NPAS3: variants seen among roughly 807,000 people sequenced by gnomAD.
NPAS3 encodes the protein neuronal PAS domain protein 3.
In NPAS3, 14 loss-of-function variants were observed where a neutral mutation model predicts 73.1. The ratio of observed to expected loss-of-function variants is 0.19; its 90% CI spans 0.13 to 0.30. The LOEUF (loss-of-function observed/expected upper bound fraction) is 0.30. Ranked by LOEUF, NPAS3 falls within the 10% of genes least tolerant of loss-of-function variation. The probability of loss-of-function intolerance (pLI) is 1.00; values close to 1 mark genes in which losing one functional copy is unlikely to be tolerated. For missense variants in NPAS3, 1,096 were observed against 1,250.0 expected (o/e 0.88, Z 1.86); for synonymous variants, 620 against 541.5 (o/e 1.14, Z -2.01).
intron 4 of NPAS3, among the ~76,000 whole-genome samples, chr14:33,475,707 G>A (rs1449609135): frequency 6.6e-6 from 1 of 152,144 alleles, no homozygotes; most frequent in East Asian, 1.9e-4. Flanking sequence ...TCTAGTTCTG[G>A]TTTGGAGAGT....
chr14:33,280,357 T>G (rs1173536967), intron 3 of NPAS3, among the ~76,000 whole-genome samples: 1 of 152,188 alleles, frequency 6.6e-6, no homozygotes, highest in African/African-American at 2.4e-5. Context: ...ATTTAAGATT[T>G]AAGCATTAGT....
intron 5 of NPAS3, among the ~76,000 whole-genome samples, chr14:33,565,982 G>A (rs1208149142): frequency 2.0e-5 from 3 of 151,950 alleles, no homozygotes; most frequent in African/African-American, 7.3e-5. Context: ...TTTGTCTCCT[G>A]TACACTAATC....
intron 6 of NPAS3, chr14:33,680,826 G>T: frequency 3.5e-6 from 2 of 571,470 alleles, no homozygotes; most frequent in Non-Finnish European, 6.2e-6. Flanking sequence ...AACTACAGCT[G>T]CATGGCTAAC....
intron 7 of NPAS3, among the ~76,000 whole-genome samples, chr14:33,763,421 G>A (rs1475035290): frequency 2.0e-5 from 3 of 152,194 alleles, no homozygotes; most frequent in Non-Finnish European, 4.4e-5. Context: ...CTAGCAAAGA[G>A]TGTAAACTAA....
intron 3 of NPAS3, among the ~76,000 whole-genome samples, chr14:33,266,624 C>G (rs779204199): frequency 2.0e-5 from 3 of 152,136 alleles, no homozygotes; most frequent in Non-Finnish European, 4.4e-5. Context: ...CCTCATTTTA[C>G]AGATGAGATA....
intron 7 of NPAS3, among the ~76,000 whole-genome samples, chr14:33,751,473 A>T (rs1175460213): frequency 6.6e-6 from 1 of 152,164 alleles, no homozygotes; most frequent in Non-Finnish European, 1.5e-5. Context: ...AAAAACTAAG[A>T]CCTGTATGCA....
chr14:33,417,132 A>G (rs2048179380), intron 4 of NPAS3, among the ~76,000 whole-genome samples: 1 of 152,042 alleles, frequency 6.6e-6, no homozygotes. Context: ...TATGTATTTT[A>G]TTTAAAAAAT....
At chr14:33,600,034 C>A (rs556385313) in intron 5 of NPAS3, among the ~76,000 whole-genome samples, 1 of 152,250 alleles carries the variant, frequency 6.6e-6, no homozygotes, top group African/African-American at 2.4e-5. Context: ...CTGTGACATC[C>A]AGCCCAGGCA....
chr14:33,767,433 A>G lies in NPAS3; in HGVS notation c.853-6904A>G, dbSNP rs1033451117. On this transcript the variant is annotated intron_variant, in intron 7 of 11. Coordinates refer to ENST00000356141, the Ensembl canonical transcript of NPAS3. Reference sequence around the variant, plus strand: ...AATAATTAGCTGACTCTCCCACCTGAGCTAGTGATTTGACGATCTGTATGC... The same window carrying G: ...AATAATTAGCTGACTCTCCCACCTGGGCTAGTGATTTGACGATCTGTATGC... 2.6e-5 allele frequency among the ~76,000 whole-genome samples: 4 copies of G among 152,102 alleles called. No homozygotes were observed. In the East Asian group the frequency reaches 7.7e-4, roughly 29 times the overall value.
chr14:33,162,668 C>G (rs1236763746), intron 2 of NPAS3, among the ~76,000 whole-genome samples: 1 of 149,316 alleles, frequency 6.7e-6, no homozygotes, highest in Non-Finnish European at 1.5e-5. Context: ...TCGTTAAAAA[C>G]AAGCAAAAAA....
intron 1 of NPAS3, among the ~76,000 whole-genome samples, chr14:33,008,683 T>C (rs904024882): frequency 1.3e-5 from 2 of 152,160 alleles, no homozygotes; most frequent in Non-Finnish European, 2.9e-5. Context: ...TTATAGGAAA[T>C]ATAAGAAATG....
chr14:33,628,808 G>A (rs543259523), intron 5 of NPAS3, among the ~76,000 whole-genome samples: 1 of 152,250 alleles, frequency 6.6e-6, no homozygotes, highest in Admixed American at 6.5e-5. Context: ...GTAAGAAAAC[G>A]ATACAATTTT....
chr14:33,431,728 A>C (rs2048792211), intron 4 of NPAS3, among the ~76,000 whole-genome samples: 1 of 152,200 alleles, frequency 6.6e-6, no homozygotes, highest in South Asian at 2.1e-4. Flanking sequence ...GTTGACCTGA[A>C]TGAAGAGTCA....
intron 4 of NPAS3, among the ~76,000 whole-genome samples, chr14:33,448,741 C>T (rs2049640726): frequency 6.6e-6 from 1 of 152,074 alleles, no homozygotes; most frequent in South Asian, 2.1e-4. Context: ...TCAAAGTGCC[C>T]CTGAGACAAG....
intron 1 of NPAS3, among the ~76,000 whole-genome samples, chr14:32,974,690 C>T (rs1318781969): frequency 6.6e-6 from 1 of 152,088 alleles, no homozygotes; most frequent in Non-Finnish European, 1.5e-5. Flanking sequence ...CATGTCTGCT[C>T]TCAAGGCAGG....
At chr14:33,108,548 T>A (rs17100140) in intron 2 of NPAS3, among the ~76,000 whole-genome samples, 1 of 152,128 alleles carries the variant, frequency 6.6e-6, no homozygotes, top group Non-Finnish European at 1.5e-5. Flanking sequence ...ATGAAATAGA[T>A]GCTGTGAGTT....
chr14:33,228,263 T>C (rs756014872), intron 3 of NPAS3, among the ~76,000 whole-genome samples: 6 of 152,196 alleles, frequency 3.9e-5, no homozygotes, highest in Non-Finnish European at 7.3e-5. Flanking sequence ...CTTGTATCAT[T>C]TGATAAAGTG....
intron 4 of NPAS3, among the ~76,000 whole-genome samples, chr14:33,544,212 A>T (rs2139652341): frequency 6.6e-6 from 1 of 152,040 alleles, no homozygotes; most frequent in Admixed American, 6.5e-5. Flanking sequence ...GCACCATCAT[A>T]GCTTGCTGCA....
At chr14:33,760,571 G>A (rs534164553) in intron 7 of NPAS3, among the ~76,000 whole-genome samples, 19 of 152,244 alleles carry the variant, frequency 1.2e-4, no homozygotes, top group Admixed American at 7.2e-4. Flanking sequence ...TCATACATCT[G>A]TCATTCAACT....
Sources: allele counts gnomAD v4.1 joint callset (sites outside exome capture counted in the v4.1 genomes callset), GRCh38; gene constraint gnomAD v4.1.1; transcripts MANE v1.5; gene names NCBI Gene and HGNC (gene_info 2026-07-23, HGNC 2026-07-21).